Variants in RUSF1 observed in about 807,000 individuals in gnomAD.
RUSF1 encodes RUS1 family protein C16orf58.
RUSF1 carries 58 observed loss-of-function variants against 63.0 expected under a neutral mutation model. The ratio of observed to expected loss-of-function variants is 0.92; its 90% CI spans 0.75 to 1.15. The LOEUF (loss-of-function observed/expected upper bound fraction) is 1.15. Among genes scored for constraint, RUSF1 ranks in the 50% most tolerant of loss-of-function variants. The pLI is 0.00. For missense variants in RUSF1, 652 were observed against 611.0 expected (o/e 1.07, Z -0.71); for synonymous variants, 274 against 255.8 (o/e 1.07, Z -0.68).
intron 9 of RUSF1, 71 bp downstream of exon 9, chr16:31,493,396 G>T: frequency 6.6e-7 from 1 of 1,520,184 alleles, no homozygotes; most frequent in Non-Finnish European, 8.9e-7. Context: ...TGCCAGGGAG[G>T]CCAGTGTGTA....
At position 31,508,346 on chromosome 16, in the gene RUSF1, G is replaced by T; in HGVS notation, c.28C>A (p.Pro10Thr). The stretch of plus-strand genomic sequence containing the variant: ...GAGCCGAACTGCTCGGAACACAGCG[G>T]GGTCTCCAAACCCGCGTCGTCAGCC... MADDAGLET[P>T]LCSEQFGSGE... The change falls in exon 1 of 13, where the codon CCG becomes ACG. Residue 10 changes from proline to threonine, a missense_variant. Coordinates refer to ENST00000327237, the MANE Select transcript of RUSF1 (RefSeq NM_022744.4). 1 of 1,552,706 alleles carries T rather than the reference G, an allele frequency of 6.4e-7. No individual in the cohort carries two copies. The highest frequency in any genetic ancestry group is 8.6e-7 in the Non-Finnish European group (1 of 1,160,106).
At chr16:31,491,264 C>T (rs187382719) in intron 12 of RUSF1, among the ~76,000 whole-genome samples, 173 of 152,226 alleles carry the variant, frequency 1.1e-3, no homozygotes, top group Non-Finnish European at 1.6e-3. Flanking sequence ...CTAAGCTCTC[C>T]GTCCTATAAA....
At chr16:31,497,955 A>G (rs2082612836) in intron 5 of RUSF1, among the ~76,000 whole-genome samples, 1 of 152,186 alleles carries the variant, frequency 6.6e-6, no homozygotes, top group Non-Finnish European at 1.5e-5. Flanking sequence ...AGCGGCACGG[A>G]GGCTACCTGG....
intron 5 of RUSF1, 118 bp from the exon 6 acceptor site, chr16:31,497,068 T>C (rs1044923828): frequency 1.0e-5 from 8 of 764,270 alleles, no homozygotes; most frequent in African/African-American, 1.8e-5. Context: ...CCTTGGCATC[T>C]AGTTCTCACC....
rs184376550 is a variant in RUSF1, at chr16:31,489,622, C to T, written c.*1213G>A. The T allele has an allele frequency of 1.0e-4, 57 of 562,888 alleles. No individual in the cohort carries two copies. The East Asian group carries it at 1.5e-3, about 14-fold the overall frequency. 34.9% of individuals were successfully genotyped at this position (562,888 alleles called of 1,614,324 possible). A position where few individuals can be genotyped will look rare whatever the true frequency, so the allele number is the denominator to read the frequency against. ...AAACACAGGATCTGACTGGTGGGCACAATACCATCTTGAACGCCCACAAAA... is the reference window on the plus strand; with the variant it reads ...AAACACAGGATCTGACTGGTGGGCATAATACCATCTTGAACGCCCACAAAA... On this transcript the variant is annotated 3_prime_UTR_variant, in exon 13 of 13. Coordinates refer to ENST00000327237, the MANE Select transcript of RUSF1 (RefSeq NM_022744.4).
chr16:31,498,430 C>T (rs763905133), intron 5 of RUSF1, among the ~76,000 whole-genome samples: 32 of 152,176 alleles, frequency 2.1e-4, no homozygotes, highest in Non-Finnish European at 3.4e-4. Context: ...CACAAGGAAC[C>T]GTTGCACCCC....
At chr16:31,493,140 T>G in intron 9 of RUSF1, 92 bp from the exon 10 acceptor site, 1 of 1,324,314 alleles carries the variant, frequency 7.6e-7, no homozygotes. Context: ...TGAACTGAAA[T>G]GATCCAGGCT....
chr16:31,497,062 G>T, intron 5 of RUSF1, 112 bp from the exon 6 acceptor site: 1 of 817,172 alleles, frequency 1.2e-6, no homozygotes, highest in Non-Finnish European at 1.9e-6. Flanking sequence ...TGCTGTCCTT[G>T]GCATCTAGTT....
intron 6 of RUSF1, among the ~76,000 whole-genome samples, chr16:31,494,350 T>C (rs940079604): frequency 6.6e-6 from 1 of 151,976 alleles, no homozygotes; most frequent in African/African-American, 2.4e-5. Context: ...GTGAGACCCA[T>C]TGCATTTTTG....
At chr16:31,499,556 G>A (rs192851803) in intron 3 of RUSF1, 31 bp from the exon 4 acceptor site, 83 of 1,580,222 alleles carry the variant, frequency 5.3e-5, no homozygotes, top group Non-Finnish European at 6.7e-5. Context: ...TTGTAATTTG[G>A]ACTTAAGGAG....
At chr16:31,504,369 A>C (rs2082647648) in intron 2 of RUSF1, among the ~76,000 whole-genome samples, 1 of 152,000 alleles carries the variant, frequency 6.6e-6, no homozygotes. Flanking sequence ...CCTGGGTTCA[A>C]GTGATTTTCC....
In RUSF1 at chr16:31,508,270, T is replaced by G; in HGVS notation, c.104A>C (p.Glu35Ala). ...RAAADGSLQWEVGGWRWWGLS... is the reference protein window; with the variant it reads ...RAAADGSLQWAVGGWRWWGLS... The stretch of plus-strand genomic sequence containing the variant: ...CCCCCACCAGCGCCAGCCCCCGACC[T>G]CCCACTGCAGGCTCCCGTCCGCGGC... Residue 35 changes from glutamate (E) to alanine (A), a missense_variant, in exon 1 of 13, where the codon GAG (glutamate) becomes GCG (alanine). Glu to Ala is a moderately radical substitution (Grantham distance 107). Coordinates refer to ENST00000327237, the MANE Select transcript of RUSF1 (RefSeq NM_022744.4). 1 of 1,569,688 alleles carries G rather than the reference T, an allele frequency of 6.4e-7. No homozygotes were observed. The highest frequency in any genetic ancestry group is 8.6e-7 in the Non-Finnish European group (1 of 1,157,942).
chr16:31,495,054 G>A (rs901556222), intron 6 of RUSF1, among the ~76,000 whole-genome samples: 3 of 152,172 alleles, frequency 2.0e-5, no homozygotes, highest in African/African-American at 7.2e-5. Flanking sequence ...GATTTGCAAA[G>A]GGGTCAAGGA....
At chr16:31,506,644 A>C (rs1169785363) in intron 2 of RUSF1, among the ~76,000 whole-genome samples, 1 of 152,218 alleles carries the variant, frequency 6.6e-6, no homozygotes, top group Non-Finnish European at 1.5e-5. Flanking sequence ...TTAGCGGGGC[A>C]GGGTGGCACA....
intron 7 of RUSF1, 37 bp downstream of exon 7, chr16:31,493,829 A>G (rs1191026810): frequency 6.2e-7 from 1 of 1,614,182 alleles, no homozygotes; most frequent in East Asian, 2.2e-5. Context: ...GCAGAGGCCC[A>G]GCTGGGGTTC....
chr16:31,500,670 G>A lies in RUSF1; in HGVS notation c.461+16C>T, dbSNP rs754970086. 28 of 1,611,074 alleles carry A rather than the reference G, an allele frequency of 1.7e-5. 1 individual carries two copies. The South Asian group carries it at 3.1e-4, about 18-fold the overall frequency. ...GGAAGAGTTGCCAGAGTTGCTGGCCGGGAAGACAAACTCACCCTTTCCACC... is the reference window on the plus strand; with the variant it reads ...GGAAGAGTTGCCAGAGTTGCTGGCCAGGAAGACAAACTCACCCTTTCCACC... On this transcript the variant is annotated intron_variant, in intron 3 of 12. Transcript: ENST00000327237.
chr16:31,499,284 GC>G lies in RUSF1; in HGVS notation c.600+17del. Reference sequence around the variant, plus strand: ...AGGCAGGTGTTTTAGGCAGATGGGTGCCCCCACAGGCAGCTACCTTGGCTAG... The same window carrying G: ...AGGCAGGTGTTTTAGGCAGATGGGTGCCCCACAGGCAGCTACCTTGGCTAG... On this transcript the variant is annotated intron_variant, in intron 5 of 12. Coordinates refer to ENST00000327237, the MANE Select transcript of RUSF1 (RefSeq NM_022744.4). 1 of 1,601,306 alleles carries G rather than the reference GC, an allele frequency of 6.2e-7. No homozygotes were observed. The highest frequency in any genetic ancestry group is 1.1e-5 in the South Asian group (1 of 90,792).
At chr16:31,506,752 C>T (rs1309001320) in intron 2 of RUSF1, among the ~76,000 whole-genome samples, 2 of 152,130 alleles carry the variant, frequency 1.3e-5, no homozygotes, top group African/African-American at 4.8e-5. Flanking sequence ...CACTGCACTC[C>T]TGCATCCCAG....
chr16:31,496,971 G>C, intron 5 of RUSF1, 21 bp from the exon 6 acceptor site: 1 of 1,575,556 alleles, frequency 6.3e-7, no homozygotes, highest in South Asian at 1.2e-5. Context: ...GGGGAAGAGA[G>C]AAGGTTGGCA....
Sources: allele counts gnomAD v4.1 joint callset (sites outside exome capture counted in the v4.1 genomes callset), GRCh38; gene constraint gnomAD v4.1.1; transcripts MANE v1.5; gene names NCBI Gene and HGNC (gene_info 2026-07-23, HGNC 2026-07-21).